EDN3: variants seen among roughly 807,000 people sequenced by gnomAD.
EDN3 encodes the protein endothelin-3.
EDN3 carries 9 observed loss-of-function variants against 21.4 expected under a neutral mutation model. The observed-to-expected ratio is 0.42, with a 90% CI of 0.25 to 0.73. The LOEUF (loss-of-function observed/expected upper bound fraction) is 0.73. Among genes scored for constraint, EDN3 ranks in the 30% least tolerant of loss-of-function variants. The pLI is 0.26. For synonymous variants in EDN3, 133 were observed against 126.2 expected (o/e 1.05, Z -0.36); for missense variants, 327 against 309.4 (o/e 1.06, Z -0.43).
rs987348328 is a variant in EDN3, at chr20:59,305,034, G to A, written c.365+3312G>A. Among the ~76,000 whole-genome samples the A allele has an allele frequency of 3.3e-5, 5 of 152,190 alleles. No individual in the cohort carries two copies. The highest frequency in any genetic ancestry group is 7.3e-5 in the Non-Finnish European group (5 of 68,036). ...GTGCCTGGCTGCTCTTCAGGGGCCT[G>A]CACATCCCTGTAGACAGGGGTGGGC... On this transcript the variant is annotated intron_variant, in intron 2 of 4. Coordinates refer to ENST00000337938, the MANE Select transcript of EDN3 (RefSeq NM_207034.3). This position sits in a 1 kb window ranked among gnomAD's most constrained non-coding sequence, Gnocchi z 4.2.
At chr20:59,316,730 G>A (rs1020020115) in intron 2 of EDN3, among the ~76,000 whole-genome samples, 6 of 152,118 alleles carry the variant, frequency 3.9e-5, no homozygotes, top group African/African-American at 1.4e-4. Flanking sequence ...ATGATGTTTG[G>A]GAAAACGTGA....
chr20:59,300,907 A>G, intron 1 of EDN3, 43 bp downstream of exon 1: 1 of 1,603,422 alleles, frequency 6.2e-7, no homozygotes, highest in East Asian at 2.2e-5. Context: ...GCGAGCGCAC[A>G]CAAAAGGACC....
intron 2 of EDN3, among the ~76,000 whole-genome samples, chr20:59,304,707 G>A (rs2146825985): frequency 6.6e-6 from 1 of 152,176 alleles, no homozygotes; most frequent in Non-Finnish European, 1.5e-5. Flanking sequence ...ATCTCCTCAA[G>A]GGAAGTTAAC....
chr20:59,300,664 TG>T lies in EDN3; in HGVS notation c.-147del. 1.4e-6 allele frequency: 1 copy of T among 737,926 alleles called. No homozygotes were observed. Among genetic ancestry groups the T allele is most frequent in the Non-Finnish European group, 2.2e-6 (1 of 452,542 alleles). The allele number at this position is 737,926 out of a possible 1,614,324, so 45.7% of individuals were successfully genotyped here. A position where few individuals can be genotyped will look rare whatever the true frequency, so the allele number is the denominator to read the frequency against. On this transcript the variant is annotated 5_prime_UTR_variant, in exon 1 of 5. It introduces an in-frame stop codon into an upstream open reading frame of the 5' UTR. Transcript: ENST00000337938. ...GTTTATGACCGCCGCAGCCAACTCC[TG>T]GCCGGAGCTGGAGACGCAGCGAGCG...
Position 59,324,522 on chromosome 20 carries a change from A to G in EDN3, c.*63A>G, listed in dbSNP as rs1252768834. The G allele has an allele frequency of 1.9e-6, 3 of 1,610,160 alleles. No homozygotes were observed. The highest frequency in any genetic ancestry group is 2.5e-6 in the Non-Finnish European group (3 of 1,177,460). Reference sequence around the variant, plus strand: ...CTGTCATTGCTCACACACAGTTCAGATTTCCACCTCTTTATAGACAAGAAG... The same window carrying G: ...CTGTCATTGCTCACACACAGTTCAGGTTTCCACCTCTTTATAGACAAGAAG... On this transcript the variant is annotated 3_prime_UTR_variant, in exon 5 of 5. Coordinates refer to ENST00000337938, the MANE Select transcript of EDN3 (RefSeq NM_207034.3).
intron 2 of EDN3, among the ~76,000 whole-genome samples, chr20:59,308,559 G>T (rs775589997): frequency 7.2e-5 from 11 of 152,228 alleles, no homozygotes; most frequent in Non-Finnish European, 1.3e-4. Flanking sequence ...CTTAGGAGAT[G>T]TCACCTCTGA....
At position 59,318,890 on chromosome 20, in the gene EDN3, A is replaced by G. The variant is rs547995766; in HGVS notation, c.366-2127A>G. 5.3e-5 allele frequency among the ~76,000 whole-genome samples: 8 copies of G among 152,334 alleles called. No individual in the cohort carries two copies. In the South Asian group the frequency reaches 1.7e-3, roughly 32 times the overall value. ...TTGATGGAGAAATGGGAGCGTTGTT[A>G]TTCCTTGTGTGTAATTTTCTCCAAG... is the stretch of plus-strand genomic sequence containing the variant. On this transcript the variant is annotated intron_variant, in intron 2 of 4. Coordinates refer to ENST00000337938, the MANE Select transcript of EDN3 (RefSeq NM_207034.3).
chr20:59,321,402 C>A (rs1011813855), intron 3 of EDN3, among the ~76,000 whole-genome samples: 6 of 152,180 alleles, frequency 3.9e-5, no homozygotes, highest in Admixed American at 3.9e-4. Flanking sequence ...GTCCCCACCC[C>A]CTTGCTGCCT....
chr20:59,322,539 G>T lies in EDN3; in HGVS notation c.588+122G>T, dbSNP rs1029681047. The T allele has an allele frequency of 1.6e-6, 2 of 1,283,400 alleles. No individual in the cohort carries two copies. Among genetic ancestry groups the T allele is most frequent in the Non-Finnish European group, 2.2e-6 (2 of 892,326 alleles). The allele number at this position is 1,283,400 out of a possible 1,614,324, so 79.5% of individuals were successfully genotyped here. Reference sequence around the variant, plus strand: ...CTGGTCTGGTCCAGTGGGAACCCCAGATCTCATGGGATGCTGCACCCACAA... The same window carrying T: ...CTGGTCTGGTCCAGTGGGAACCCCATATCTCATGGGATGCTGCACCCACAA... On this transcript the variant is annotated intron_variant, in intron 4 of 4. Transcript: ENST00000337938. The surrounding 1 kb of genome is among the most constrained non-coding windows in gnomAD (Gnocchi z 4.1).
intron 2 of EDN3, among the ~76,000 whole-genome samples, chr20:59,319,280 A>T (rs1990375381): frequency 6.6e-6 from 1 of 151,808 alleles, no homozygotes; most frequent in Non-Finnish European, 1.5e-5. Context: ...TCAACCCAGC[A>T]GGGAGGCGGG....
chr20:59,320,964 C>T, intron 2 of EDN3, 53 bp from the exon 3 acceptor site: 1 of 1,609,034 alleles, frequency 6.2e-7, no homozygotes, highest in South Asian at 1.1e-5. Context: ...CTTGGGGGCC[C>T]CTGAGCAGGG....
intron 3 of EDN3, 56 bp downstream of exon 3, chr20:59,321,249 G>T: frequency 6.3e-7 from 1 of 1,585,480 alleles, no homozygotes; most frequent in East Asian, 2.2e-5. Flanking sequence ...CCCTCGGCAA[G>T]GCCAGGCCAG....
At chr20:59,320,934 G>T (rs138594308) in intron 2 of EDN3, 83 bp from the exon 3 acceptor site, 13 of 1,457,156 alleles carry the variant, frequency 8.9e-6, no homozygotes, top group Non-Finnish European at 1.2e-5. Flanking sequence ...TCAGCCAGGC[G>T]GTGGTTCTCG....
intron 2 of EDN3, among the ~76,000 whole-genome samples, chr20:59,302,683 T>C (rs1989130941): frequency 1.3e-5 from 2 of 152,292 alleles, no homozygotes; most frequent in South Asian, 2.1e-4. Context: ...TCATGGGATC[T>C]CTTGGGACTC....
intron 1 of EDN3, 128 bp from the exon 2 acceptor site, chr20:59,301,281 AC>A: frequency 8.6e-7 from 1 of 1,159,008 alleles, no homozygotes; most frequent in East Asian, 2.6e-5. Flanking sequence ...CTTTTCAGAA[AC>A]TGCGCAGAGC....
At position 59,325,044 on chromosome 20, in the gene EDN3, C is replaced by A; in HGVS notation, c.*585C>A. On this transcript the variant is annotated 3_prime_UTR_variant, in exon 5 of 5. Coordinates refer to ENST00000337938, the MANE Select transcript of EDN3 (RefSeq NM_207034.3). ...TGATACCCACCAAAAGAATGTATCT[C>A]GAAAGAATGAAGGAAGAAGAAAAAA... 1 of 157,218 alleles carries A rather than the reference C, an allele frequency of 6.4e-6. No homozygotes were observed. Among genetic ancestry groups the A allele is most frequent in the Non-Finnish European group, 1.4e-5 (1 of 70,832 alleles). 9.7% of individuals were successfully genotyped at this position (157,218 alleles called of 1,614,324 possible). A position where few individuals can be genotyped will look rare whatever the true frequency, so the allele number is the denominator to read the frequency against.
intron 2 of EDN3, among the ~76,000 whole-genome samples, chr20:59,302,778 T>G (rs1292776518): frequency 1.3e-5 from 2 of 152,138 alleles, no homozygotes; most frequent in Admixed American, 6.5e-5. Flanking sequence ...AAAGGCACCT[T>G]TGCCACCGTG....
At chr20:59,318,703 T>C (rs1392376567) in intron 2 of EDN3, among the ~76,000 whole-genome samples, 1 of 152,238 alleles carries the variant, frequency 6.6e-6, no homozygotes, top group African/African-American at 2.4e-5. Context: ...TTTACCGCGC[T>C]TGGCGGCCGG....
At chr20:59,319,755 A>G (rs1177225085) in intron 2 of EDN3, among the ~76,000 whole-genome samples, 1 of 151,934 alleles carries the variant, frequency 6.6e-6, no homozygotes, top group Non-Finnish European at 1.5e-5. Context: ...AAAAAAAGAA[A>G]AAAAGAAAAG....
Sources: gnomAD v4.1 joint callset for allele counts (sites outside exome capture counted in the v4.1 genomes callset) on GRCh38, gnomAD v4.1.1 for gene constraint, Gnocchi (gnomAD v3.1) non-coding constraint, MANE v1.5 for transcripts, NCBI Gene and HGNC (gene_info 2026-07-23, HGNC 2026-07-21) for gene names.